NCKAP5: variants seen among roughly 807,000 people sequenced by gnomAD.
NCKAP5 encodes nck-associated protein 5.
A neutral mutation model predicts 167.0 loss-of-function variants in NCKAP5; 92 were observed. That is an observed-to-expected ratio of 0.55 (90% CI 0.47 to 0.66). NCKAP5 has a LOEUF of 0.66. Among genes scored for constraint, NCKAP5 ranks in the 30% least tolerant of loss-of-function variants. The pLI, the probability that NCKAP5 is intolerant of heterozygous loss-of-function variation, is 0.00. For synonymous variants in NCKAP5, 891 were observed against 877.4 expected (o/e 1.02, Z -0.27); for missense variants, 2,378 against 2,315.0 (o/e 1.03, Z -0.56).
At chr2:133,665,746 A>G in the NCKAP5 span, among the ~76,000 whole-genome samples, 5 of 152,258 alleles carry the variant, frequency 3.3e-5, no homozygotes, top group South Asian at 2.1e-4. Context: ...GATAAAGCAA[A>G]GCACAATAAA....
intron 19 of NCKAP5, among the ~76,000 whole-genome samples, chr2:132,693,668 C>T (rs1687028570): frequency 6.8e-6 from 1 of 146,838 alleles, no homozygotes; most frequent in Non-Finnish European, 1.5e-5. Context: ...CTCTGTCACC[C>T]AGGCTGGAGT....
At chr2:132,712,523 G>A (rs1389747837) in intron 19 of NCKAP5, among the ~76,000 whole-genome samples, 2 of 152,086 alleles carry the variant, frequency 1.3e-5, no homozygotes, top group African/African-American at 2.4e-5. Context: ...GTAGAGGCGG[G>A]CACCTGTAGT....
the NCKAP5 span, among the ~76,000 whole-genome samples, chr2:133,633,530 T>C: frequency 1.3e-5 from 2 of 152,220 alleles, no homozygotes; most frequent in African/African-American, 4.8e-5. Context: ...GAAGTCAGGC[T>C]GGCTCACGCT....
chr2:132,889,956 A>G (rs1253254278), intron 8 of NCKAP5, among the ~76,000 whole-genome samples: 3 of 152,162 alleles, frequency 2.0e-5, no homozygotes, highest in African/African-American at 7.2e-5. Flanking sequence ...GAAGGCAAAA[A>G]GAGAGAGAAA....
At chr2:133,614,334 G>C in the NCKAP5 span, among the ~76,000 whole-genome samples, 1 of 152,134 alleles carries the variant, frequency 6.6e-6, no homozygotes, top group Admixed American at 6.5e-5. Context: ...GAAGGCTTCA[G>C]AAGATCAAAT....
intron 3 of NCKAP5, among the ~76,000 whole-genome samples, chr2:133,478,211 A>G (rs1680107237): frequency 6.6e-6 from 1 of 152,180 alleles, no homozygotes. Context: ...CCTGGTTCCA[A>G]TCATGCCAGC....
chr2:132,766,510 T>C (rs1231252819), intron 16 of NCKAP5, among the ~76,000 whole-genome samples: 1 of 152,082 alleles, frequency 6.6e-6, no homozygotes, highest in Non-Finnish European at 1.5e-5. Context: ...GTTAGAAAAA[T>C]CCAGTCGTGG....
intron 6 of NCKAP5, among the ~76,000 whole-genome samples, chr2:133,084,211 C>T (rs973004853): frequency 6.6e-6 from 1 of 152,076 alleles, no homozygotes; most frequent in Non-Finnish European, 1.5e-5. Flanking sequence ...GAACCATGCA[C>T]ATGCCTGGGA....
At chr2:133,023,864 G>A (rs954236211) in intron 6 of NCKAP5, among the ~76,000 whole-genome samples, 16 of 152,070 alleles carry the variant, frequency 1.1e-4, no homozygotes, top group East Asian at 1.9e-4. Flanking sequence ...GGGTAGCTAC[G>A]TTGATTTCAT....
intron 6 of NCKAP5, chr2:133,123,797 T>A: frequency 2.1e-6 from 1 of 471,176 alleles, no homozygotes; most frequent in Non-Finnish European, 4.4e-6. Flanking sequence ...ATTTTCCTCC[T>A]TCTAAAGATG....
chr2:133,181,901 T>C (rs934158297), intron 5 of NCKAP5, among the ~76,000 whole-genome samples: 1 of 151,994 alleles, frequency 6.6e-6, no homozygotes, highest in Non-Finnish European at 1.5e-5. Context: ...ATGATATAGA[T>C]AGGGTTAAAA....
chr2:132,702,537 TTTAA>T (rs1442844750), intron 19 of NCKAP5, among the ~76,000 whole-genome samples: 6 of 152,168 alleles, frequency 3.9e-5, no homozygotes, highest in Non-Finnish European at 1.5e-5. Context: ...TTATTGTATG[TTTAA>T]TTATTTCTAA....
chr2:132,792,474 A>T (rs1456003572), intron 12 of NCKAP5, among the ~76,000 whole-genome samples: 2 of 152,340 alleles, frequency 1.3e-5, no homozygotes, highest in Non-Finnish European at 2.9e-5. Flanking sequence ...TGCACTGAAC[A>T]AACTTTCAGA....
chr2:132,688,783 C>T (rs780046994), intron 19 of NCKAP5, among the ~76,000 whole-genome samples: 14 of 151,798 alleles, frequency 9.2e-5, no homozygotes, highest in Non-Finnish European at 1.9e-4. Context: ...ACCAGGAGTT[C>T]GAGATCACCC....
chr2:133,329,178 C>T (rs1438545294), intron 3 of NCKAP5, among the ~76,000 whole-genome samples: 2 of 152,120 alleles, frequency 1.3e-5, no homozygotes, highest in Non-Finnish European at 2.9e-5. Flanking sequence ...ATGGAGGCTT[C>T]GCTGACAGCA....
chr2:132,772,761 G>C (rs2104950928), intron 16 of NCKAP5, among the ~76,000 whole-genome samples: 1 of 152,280 alleles, frequency 6.6e-6, no homozygotes, highest in East Asian at 1.9e-4. Context: ...AATAATAATG[G>C]CATGCCAGTC....
At chr2:133,075,024 A>G (rs1348398429) in intron 6 of NCKAP5, among the ~76,000 whole-genome samples, 1 of 152,226 alleles carries the variant, frequency 6.6e-6, no homozygotes, top group Non-Finnish European at 1.5e-5. Context: ...AATAAAAAAC[A>G]AAAACAAAAT....
At chr2:132,695,342 C>T (rs2105183196) in intron 19 of NCKAP5, among the ~76,000 whole-genome samples, 1 of 152,226 alleles carries the variant, frequency 6.6e-6, no homozygotes, top group Admixed American at 6.5e-5. Context: ...TAAACAGCAG[C>T]ATCTCTGCCC....
chr2:133,184,835 GT>G (rs1559237521), intron 5 of NCKAP5, among the ~76,000 whole-genome samples: 1 of 152,004 alleles, frequency 6.6e-6, no homozygotes, highest in Non-Finnish European at 1.5e-5. Context: ...TTGTTAATTT[GT>G]TTAAGTTTCT....
Sources: gnomAD v4.1 joint callset for allele counts (sites outside exome capture counted in the v4.1 genomes callset) on GRCh38, gnomAD v4.1.1 for gene constraint, MANE v1.5 for transcripts, NCBI Gene and HGNC (gene_info 2026-07-23, HGNC 2026-07-21) for gene names.